ODAD2: variants seen among roughly 807,000 people sequenced by gnomAD.
ODAD2 encodes outer dynein arm docking complex subunit 2.
ODAD2 carries 89 observed loss-of-function variants against 106.8 expected under a neutral mutation model. That is an observed-to-expected ratio of 0.83 (90% confidence interval 0.70 to 0.99). ODAD2 has a LOEUF of 0.99. ODAD2 is among the 50% of genes least tolerant of loss of function. ODAD2 has a pLI of 0.00. For missense variants in ODAD2, 1,168 were observed against 1,238.5 expected, an observed-to-expected ratio of 0.94 and a Z score of 0.85; for synonymous variants, 404 against 436.2, an observed-to-expected ratio of 0.93 and a Z score of 0.92.
intron 17 of ODAD2, among the ~76,000 whole-genome samples, chr10:27,872,817 C>CT (rs745451850): frequency 1.1e-3 from 173 of 152,082 alleles, no homozygotes; most frequent in Non-Finnish European, 1.9e-3. Flanking sequence ...CTAAAATTCT[C>CT]TTTTTTTTCT....
At chr10:27,820,583 A>G (rs1158472343) in intron 19 of ODAD2, among the ~76,000 whole-genome samples, 2 of 151,940 alleles carry the variant, frequency 1.3e-5, no homozygotes, top group African/African-American at 4.8e-5. Flanking sequence ...TACCCTTTTT[A>G]TGACTCTATT....
chr10:27,986,934 C>A (rs1241563571), intron 3 of ODAD2, among the ~76,000 whole-genome samples: 1 of 152,206 alleles, frequency 6.6e-6, no homozygotes, highest in Non-Finnish European at 1.5e-5. Flanking sequence ...AAGGCTGTCT[C>A]TGCTAAAGAA....
intron 19 of ODAD2, among the ~76,000 whole-genome samples, chr10:27,855,863 A>G (rs1418437124): frequency 6.6e-6 from 1 of 152,178 alleles, no homozygotes; most frequent in African/African-American, 2.4e-5. Flanking sequence ...CCTGCCTTTC[A>G]GAAAGTTATA....
chr10:27,940,859 G>C, intron 12 of ODAD2, 54 bp from the exon 13 acceptor site: 2 of 1,562,918 alleles, frequency 1.3e-6, no homozygotes, highest in Non-Finnish European at 1.7e-6. Context: ...GAACATTTAA[G>C]GCATTCTTCA....
intron 19 of ODAD2, among the ~76,000 whole-genome samples, chr10:27,856,553 T>G (rs1397354720): frequency 6.6e-6 from 1 of 152,094 alleles, no homozygotes; most frequent in Non-Finnish European, 1.5e-5. Flanking sequence ...CCACCCTCAT[T>G]AATGGCTTAA....
At chr10:27,848,661 C>G (rs1410973468) in intron 19 of ODAD2, among the ~76,000 whole-genome samples, 1 of 152,200 alleles carries the variant, frequency 6.6e-6, no homozygotes, top group Non-Finnish European at 1.5e-5. Flanking sequence ...ATCTACCCAT[C>G]TGACGAAGGG....
intron 19 of ODAD2, among the ~76,000 whole-genome samples, chr10:27,838,955 A>G (rs945157224): frequency 7.2e-5 from 11 of 152,218 alleles, no homozygotes; most frequent in African/African-American, 2.7e-4. Flanking sequence ...AAGATGCTTC[A>G]ACATGTGCCA....
chr10:27,952,342 G>A (rs2132719071), intron 10 of ODAD2, among the ~76,000 whole-genome samples: 1 of 151,738 alleles, frequency 6.6e-6, no homozygotes, highest in South Asian at 2.1e-4. Context: ...ACACATCGAT[G>A]AGAATTTACA....
intron 19 of ODAD2, among the ~76,000 whole-genome samples, chr10:27,822,777 C>A (rs558111553): frequency 2.0e-5 from 3 of 152,254 alleles, no homozygotes; most frequent in East Asian, 1.9e-4. Context: ...TGGTGTCTGT[C>A]CTCCTCAAGG....
rs373625443 is a variant in ODAD2 at position 27,934,914 on chromosome 10, G to A, written c.2495+96C>T. 1,108 of 1,407,064 alleles carry A rather than the reference G, an allele frequency of 7.9e-4. 4 individuals carry two copies. The highest frequency in any genetic ancestry group is 2.7e-3 in the Middle Eastern group (15 of 5,482). 87.2% of individuals were successfully genotyped at this position (1,407,064 alleles called of 1,614,324 possible). Reference sequence around the variant, plus strand: ...GACACACTGTATTTTTTCATCATTCGTGCACATCAATTCTAAGTGATGACA... The same window carrying A: ...GACACACTGTATTTTTTCATCATTCATGCACATCAATTCTAAGTGATGACA... On this transcript the variant is annotated intron_variant, in intron 16 of 19. Coordinates refer to ENST00000305242, the MANE Select transcript of ODAD2 (RefSeq NM_018076.5).
At chr10:27,867,548 C>T (rs1840533264) in intron 17 of ODAD2, among the ~76,000 whole-genome samples, 1 of 152,192 alleles carries the variant, frequency 6.6e-6, no homozygotes, top group East Asian at 1.9e-4. Context: ...CAGAATGCAC[C>T]CTGCATCACT....
chr10:27,881,372 G>C (rs1841693600), intron 17 of ODAD2, among the ~76,000 whole-genome samples: 1 of 152,026 alleles, frequency 6.6e-6, no homozygotes, highest in African/African-American at 2.4e-5. Flanking sequence ...AGAAGGCCAG[G>C]AGTGGTGGCT....
intron 17 of ODAD2, among the ~76,000 whole-genome samples, chr10:27,863,239 T>C (rs1392122217): frequency 3.3e-5 from 5 of 152,160 alleles, no homozygotes; most frequent in Non-Finnish European, 7.3e-5. Context: ...TTCTTGCCCT[T>C]ACAAACCATA....
intron 19 of ODAD2, among the ~76,000 whole-genome samples, chr10:27,822,179 C>A (rs1235310901): frequency 1.3e-5 from 2 of 152,172 alleles, no homozygotes; most frequent in Non-Finnish European, 2.9e-5. Flanking sequence ...GAAGGTGTGA[C>A]AAAGGTAGCA....
chr10:27,993,533 C>T (rs1033616611), intron 2 of ODAD2, among the ~76,000 whole-genome samples: 3 of 151,944 alleles, frequency 2.0e-5, no homozygotes, highest in African/African-American at 4.8e-5. Flanking sequence ...GCCTATATTC[C>T]GAGCTACTTA....
chr10:27,814,457 G>T (rs1159126580), intron 19 of ODAD2, among the ~76,000 whole-genome samples: 1 of 152,236 alleles, frequency 6.6e-6, no homozygotes, highest in Non-Finnish European at 1.5e-5. Context: ...ACTGAAGGAT[G>T]TCTGCCCTCT....
intron 16 of ODAD2, among the ~76,000 whole-genome samples, chr10:27,934,458 T>G (rs1845822674): frequency 6.7e-6 from 1 of 149,844 alleles, no homozygotes; most frequent in South Asian, 2.1e-4. Context: ...TTTATATAGA[T>G]ATATTTATTT....
In ODAD2 at chr10:27,983,878, T is replaced by A. The variant is rs757029838; in HGVS notation, c.784A>T (p.Ile262Phe). The change falls in exon 6 of 20, where the codon ATT becomes TTT. Residue 262 changes from isoleucine to phenylalanine, a missense_variant. Physicochemically the swap from Ile to Phe is conservative, Grantham distance 21. This residue lies in a region of ODAD2 where 430 missense variants were observed against 452.2 expected (regional missense o/e 0.95). Transcript: ENST00000305242. The stretch of plus-strand genomic sequence containing the variant: ...AATACTCCTCCTGCACTGCAAGTAA[T>A]GCACAGAGTCTCACCATCGTGAGGT... Reference protein sequence around the residue: ...VKPHDGETLCITCSAGGVFLN... With the variant: ...VKPHDGETLCFTCSAGGVFLN... The A allele has an allele frequency of 3.1e-6, 5 of 1,613,030 alleles. No homozygotes were observed. The highest frequency in any genetic ancestry group is 4.2e-6 in the Non-Finnish European group (5 of 1,179,790).
intron 10 of ODAD2, among the ~76,000 whole-genome samples, chr10:27,951,212 G>T (rs535076364): frequency 6.6e-6 from 1 of 152,260 alleles, no homozygotes; most frequent in Non-Finnish European, 1.5e-5. Flanking sequence ...ATAGATTCAT[G>T]TAAACCAACC....
Sources: allele counts gnomAD v4.1 joint callset (sites outside exome capture counted in the v4.1 genomes callset), GRCh38; gene constraint gnomAD v4.1.1; regional missense constraint gnomAD v4.1.1; transcripts MANE v1.5; gene names NCBI Gene and HGNC (gene_info 2026-07-23, HGNC 2026-07-21).